The following CELF2 variants were observed in gnomAD, a reference collection of about 807,000 sequenced individuals.
CELF2 encodes CUG triplet repeat RNA-binding protein 2.
CELF2 carries 8 observed loss-of-function variants against 62.6 expected under a neutral mutation model. The observed-to-expected ratio is 0.13, with a 90% CI of 0.07 to 0.23. The LOEUF (loss-of-function observed/expected upper bound fraction) is 0.23, where lower values mean the gene tolerates loss of function less well. CELF2 is among the 10% of genes least tolerant of loss of function. CELF2 has a pLI of 1.00. For missense variants in CELF2, 333 were observed against 671.0 expected (o/e 0.50, Z 5.56); for synonymous variants, 258 against 250.0 (o/e 1.03, Z -0.30).
At chr10:10,750,146 A>G in the CELF2 span, among the ~76,000 whole-genome samples, 2 of 152,276 alleles carry the variant, frequency 1.3e-5, no homozygotes, top group East Asian at 1.9e-4. Flanking sequence ...GCCGAGGGTG[A>G]TGGCACGTGC....
At chr10:11,265,914 C>T (rs1009837848) in intron 5 of CELF2, among the ~76,000 whole-genome samples, 11 of 152,072 alleles carry the variant, frequency 7.2e-5, no homozygotes, top group Non-Finnish European at 1.5e-4. Context: ...TGACAATGCA[C>T]GTTTTTTACA....
the CELF2 span, among the ~76,000 whole-genome samples, chr10:10,551,322 T>C: frequency 6.6e-6 from 1 of 152,004 alleles, no homozygotes; most frequent in Non-Finnish European, 1.5e-5. Flanking sequence ...TCAGTGCAGC[T>C]CAACACTAAC....
intron 1 of CELF2, among the ~76,000 whole-genome samples, chr10:11,106,207 T>TTTA (rs1554839841): frequency 1.2e-4 from 17 of 140,488 alleles, no homozygotes; most frequent in African/African-American, 2.9e-4. Flanking sequence ...TTTTACTTTA[T>TTTA]TTTATTTATT....
At position 10,928,776 on chromosome 10, in the gene CELF2, AT is replaced by A. The variant is rs1194326504; in HGVS notation, c.89+8778del. Among the ~76,000 whole-genome samples, 1 of 152,132 alleles carries A rather than the reference AT, an allele frequency of 6.6e-6. No individual in the cohort carries two copies. The highest frequency in any genetic ancestry group is 1.9e-4 in the East Asian group (1 of 5,198). ...CCTAGCATCTGTGTCATCCAATAAT[AT>A]AATTGACTAGAGGACTTTTACACCT... On this transcript the variant is annotated intron_variant, in intron 2 of 13. Coordinates refer to the CELF2 transcript ENST00000636488. This position sits in a 1 kb window ranked among gnomAD's most constrained non-coding sequence, Gnocchi z 4.8.
At chr10:10,556,271 C>G in the CELF2 span, among the ~76,000 whole-genome samples, 4,031 of 150,384 alleles carry the variant, frequency 0.027, 143 homozygotes, top group East Asian at 0.13. Context: ...CTATGAGTGA[C>G]AATATCTGGT....
chr10:10,732,672 C>T, the CELF2 span, among the ~76,000 whole-genome samples: 1 of 152,132 alleles, frequency 6.6e-6, no homozygotes, highest in Non-Finnish European at 1.5e-5. Context: ...TACAGGCACC[C>T]ACCACCACGC....
chr10:10,589,161 G>T, the CELF2 span, among the ~76,000 whole-genome samples: 5 of 152,118 alleles, frequency 3.3e-5, no homozygotes, highest in East Asian at 1.9e-4. Context: ...GGAAGTGGGG[G>T]CTTCCAGGTC....
intron 2 of CELF2, among the ~76,000 whole-genome samples, chr10:10,986,690 C>T (rs1200436712): frequency 1.3e-5 from 2 of 152,176 alleles, no homozygotes; most frequent in African/African-American, 4.8e-5. Flanking sequence ...GGGGATCAAA[C>T]CACACTTAAA....
At chr10:10,810,821 G>A (rs183068550) in intron 1 of CELF2, among the ~76,000 whole-genome samples, 1 of 152,296 alleles carries the variant, frequency 6.6e-6, no homozygotes, top group Non-Finnish European at 1.5e-5. Context: ...CTTCCAGTCA[G>A]CAGGAGTTCA....
the CELF2 span, among the ~76,000 whole-genome samples, chr10:10,698,311 G>A: frequency 6.6e-6 from 1 of 152,152 alleles, no homozygotes; most frequent in Non-Finnish European, 1.5e-5. Flanking sequence ...AAATCAGGTG[G>A]CTCCTGTGAC....
At chr10:11,142,257 T>C (rs370507893) in intron 1 of CELF2, among the ~76,000 whole-genome samples, 1 of 152,198 alleles carries the variant, frequency 6.6e-6, no homozygotes, top group Non-Finnish European at 1.5e-5. Flanking sequence ...CAGAAGTGAA[T>C]GAAGTGTCCA....
At chr10:11,062,836 A>G (rs1471159517) in intron 1 of CELF2, among the ~76,000 whole-genome samples, 3 of 152,206 alleles carry the variant, frequency 2.0e-5, no homozygotes, top group Non-Finnish European at 4.4e-5. Context: ...GCAACGTGCT[A>G]TCAAACAGCA....
chr10:10,838,816 G>A (rs2058479332), intron 1 of CELF2, among the ~76,000 whole-genome samples: 2 of 152,038 alleles, frequency 1.3e-5, no homozygotes, highest in South Asian at 4.1e-4. Context: ...CCTAGAATCA[G>A]CCATTTCTCT....
At chr10:10,487,562 G>GTATT in the CELF2 span, among the ~76,000 whole-genome samples, 1 of 152,030 alleles carries the variant, frequency 6.6e-6, no homozygotes, top group Non-Finnish European at 1.5e-5. Flanking sequence ...CTTCCATTGG[G>GTATT]TATTACAATA....
intron 1 of CELF2, among the ~76,000 whole-genome samples, chr10:10,877,799 G>C (rs9424103): frequency 0.14 from 21,087 of 152,166 alleles, 1,681 homozygotes; most frequent in Non-Finnish European, 0.19. Context: ...TTCCTTCTTT[G>C]CTTCCTTTCT....
chr10:11,000,203 A>C (rs569794470), intron 2 of CELF2, among the ~76,000 whole-genome samples: 2 of 151,842 alleles, frequency 1.3e-5, no homozygotes, highest in East Asian at 3.9e-4. Context: ...TATCCATGAT[A>C]GTTTATTTTA....
chr10:10,566,078 T>C, the CELF2 span, among the ~76,000 whole-genome samples: 1 of 152,206 alleles, frequency 6.6e-6, no homozygotes, highest in Non-Finnish European at 1.5e-5. Flanking sequence ...GTATTTAATG[T>C]GGCAAGATTT....
intron 1 of CELF2, among the ~76,000 whole-genome samples, chr10:10,803,868 C>G (rs2054927985): frequency 6.6e-6 from 1 of 152,170 alleles, no homozygotes; most frequent in Non-Finnish European, 1.5e-5. Context: ...TCTCTCTTAT[C>G]CTACTTTATA....
intron 2 of CELF2, among the ~76,000 whole-genome samples, chr10:11,197,070 G>GAAAGAAGGAAAGAAAGGAAA (rs1329770894): frequency 5.1e-5 from 4 of 78,100 alleles, no homozygotes; most frequent in African/African-American, 2.3e-4. Context: ...AAGAAAGAAA[G>GAAAGAAGGAAAGAAAGGAAA]GAAAGAAAGA....
Sources: allele counts gnomAD v4.1 joint callset (sites outside exome capture counted in the v4.1 genomes callset), GRCh38; gene constraint gnomAD v4.1.1; non-coding constraint Gnocchi (gnomAD v3.1); transcripts MANE v1.5; gene names NCBI Gene and HGNC (gene_info 2026-07-23, HGNC 2026-07-21).